ATP8A2: variants seen among roughly 807,000 people sequenced by gnomAD.
ATP8A2 encodes ATPase phospholipid transporting 8A2, also known as phospholipid-transporting ATPase IB.
In ATP8A2, 100 loss-of-function variants were observed where a neutral mutation model predicts 165.6. The ratio of observed to expected loss-of-function variants is 0.60; its 90% CI spans 0.51 to 0.71. The LOEUF is 0.71. Among genes scored for constraint, ATP8A2 ranks in the 30% least tolerant of loss-of-function variants. The probability of loss-of-function intolerance (pLI) is 0.00; values close to 1 mark genes in which losing one functional copy is unlikely to be tolerated. For missense variants in ATP8A2, 1,227 were observed against 1,479.5 expected (o/e 0.83, Z 2.80); for synonymous variants, 543 against 548.8 (o/e 0.99, Z 0.15).
intron 27 of ATP8A2, among the ~76,000 whole-genome samples, chr13:25,800,006 G>A (rs541315439): frequency 7.9e-5 from 12 of 152,334 alleles, no homozygotes; most frequent in Admixed American, 4.6e-4. Flanking sequence ...AACAACAGCA[G>A]CTCACATTTA....
chr13:25,709,521 GTTTT>G (rs142893891), intron 25 of ATP8A2, among the ~76,000 whole-genome samples: 1 of 151,750 alleles, frequency 6.6e-6, no homozygotes, highest in Admixed American at 6.6e-5. Flanking sequence ...TAGATACTGA[GTTTT>G]TTTTCTGAAA....
intron 2 of ATP8A2, among the ~76,000 whole-genome samples, chr13:25,503,796 T>C (rs2036934491): frequency 6.6e-6 from 1 of 152,064 alleles, no homozygotes; most frequent in Admixed American, 6.5e-5. Context: ...GCAAGTTTGG[T>C]GTGGCATGTG....
chr13:25,438,082 TG>T (rs572472645), intron 1 of ATP8A2, among the ~76,000 whole-genome samples: 64 of 152,320 alleles, frequency 4.2e-4, no homozygotes, highest in Admixed American at 3.9e-3. Context: ...AATCAGTGAA[TG>T]TCCTTAGGGC....
At chr13:25,931,759 A>G (rs1006752104) in intron 33 of ATP8A2, among the ~76,000 whole-genome samples, 3 of 152,262 alleles carry the variant, frequency 2.0e-5, no homozygotes, top group African/African-American at 7.2e-5. Context: ...GACAGGGAAA[A>G]GCCAGGGCCA....
At chr13:25,456,735 CAGGGAG>C (rs1475885927) in intron 1 of ATP8A2, among the ~76,000 whole-genome samples, 1 of 152,186 alleles carries the variant, frequency 6.6e-6, no homozygotes, top group East Asian at 1.9e-4. Context: ...GCTTTGAAAG[CAGGGAG>C]AGGGTTTTTT....
intron 33 of ATP8A2, among the ~76,000 whole-genome samples, chr13:25,866,624 C>A (rs1438563138): frequency 6.6e-6 from 1 of 152,124 alleles, no homozygotes; most frequent in Non-Finnish European, 1.5e-5. Context: ...CACAGAGACA[C>A]ACAATGCACA....
At chr13:25,518,493 A>G (rs915584713) in intron 2 of ATP8A2, among the ~76,000 whole-genome samples, 1 of 152,164 alleles carries the variant, frequency 6.6e-6, no homozygotes, top group South Asian at 2.1e-4. Flanking sequence ...ACACCTTAAC[A>G]TGGATTTACT....
chr13:25,703,668 T>C (rs1157753528), intron 25 of ATP8A2, among the ~76,000 whole-genome samples: 3 of 152,110 alleles, frequency 2.0e-5, no homozygotes, highest in Non-Finnish European at 4.4e-5. Flanking sequence ...ACAGGCTGAA[T>C]GAAAGAAGCC....
At chr13:25,618,272 G>A (rs148028139) in intron 24 of ATP8A2, among the ~76,000 whole-genome samples, 28 of 152,214 alleles carry the variant, frequency 1.8e-4, no homozygotes, top group Middle Eastern at 6.8e-3. Flanking sequence ...TTAGGAGTGC[G>A]TGTTTATAAA....
At chr13:25,961,307 C>G (rs1412404231) in intron 33 of ATP8A2, among the ~76,000 whole-genome samples, 1 of 152,164 alleles carries the variant, frequency 6.6e-6, no homozygotes, top group Non-Finnish European at 1.5e-5. Flanking sequence ...AGACAACATC[C>G]TGTTCGGAAG....
Position 25,512,674 on chromosome 13 carries a change from C to T in ATP8A2, c.222-17325C>T, listed in dbSNP as rs1160811620. Among the ~76,000 whole-genome samples, 786 of 136,466 alleles carry T rather than the reference C, an allele frequency of 5.8e-3. 15 individuals carry two copies. Among genetic ancestry groups the T allele is most frequent in the African/African-American group, 0.02 (732 of 35,750 alleles). 89.5% of individuals were successfully genotyped at this position (136,466 alleles called of 152,430 possible). On this transcript the variant is annotated intron_variant, in intron 2 of 36. Coordinates refer to ENST00000381655, the MANE Select transcript of ATP8A2 (RefSeq NM_016529.6). ...CTCCCTCCCGGACGGGGTGGCTGGC[C>T]GGGCGGGGGGCTGACCCCCCAACCT...
At chr13:25,910,935 T>TC (rs1294129246) in intron 33 of ATP8A2, among the ~76,000 whole-genome samples, 1 of 151,986 alleles carries the variant, frequency 6.6e-6, no homozygotes, top group Non-Finnish European at 1.5e-5. Context: ...TTTTTTTTTT[T>TC]TTTTTTAAGG....
At chr13:25,919,694 G>A (rs1294868245) in intron 33 of ATP8A2, among the ~76,000 whole-genome samples, 2 of 152,066 alleles carry the variant, frequency 1.3e-5, no homozygotes, top group Non-Finnish European at 2.9e-5. Flanking sequence ...CACCTGAGTC[G>A]GCAGCTGGCT....
At chr13:25,434,495 T>C (rs966623325) in intron 1 of ATP8A2, among the ~76,000 whole-genome samples, 2 of 151,932 alleles carry the variant, frequency 1.3e-5, no homozygotes, top group African/African-American at 4.8e-5. Context: ...ATTACAGGCG[T>C]GTGTCACTAC....
intron 1 of ATP8A2, among the ~76,000 whole-genome samples, chr13:25,416,454 T>C (rs1313980717): frequency 6.6e-6 from 1 of 152,154 alleles, no homozygotes; most frequent in Non-Finnish European, 1.5e-5. Flanking sequence ...AAATAAAATG[T>C]TATCAATAGA....
chr13:25,573,467 A>G (rs1283733010), intron 18 of ATP8A2, among the ~76,000 whole-genome samples: 2 of 152,238 alleles, frequency 1.3e-5, no homozygotes, highest in Non-Finnish European at 2.9e-5. Flanking sequence ...ACAGTAATAA[A>G]AAGAATCCTA....
At chr13:25,896,982 T>A (rs1383818908) in intron 33 of ATP8A2, among the ~76,000 whole-genome samples, 3 of 152,236 alleles carry the variant, frequency 2.0e-5, no homozygotes, top group Non-Finnish European at 4.4e-5. Flanking sequence ...CTTGACTCTT[T>A]ATCCAATTTG....
At chr13:25,695,042 G>A (rs1023882326) in intron 24 of ATP8A2, among the ~76,000 whole-genome samples, 10 of 151,788 alleles carry the variant, frequency 6.6e-5, no homozygotes, top group South Asian at 4.2e-4. Context: ...TTAATGTTTC[G>A]TCTATTGCAG....
chr13:25,609,843 T>C (rs377727498), intron 24 of ATP8A2, among the ~76,000 whole-genome samples: 2 of 151,730 alleles, frequency 1.3e-5, no homozygotes, highest in East Asian at 1.9e-4. Context: ...CCCATTGTGG[T>C]TTTGATTTGC....
Sources: allele counts gnomAD v4.1 joint callset (sites outside exome capture counted in the v4.1 genomes callset), GRCh38; gene constraint gnomAD v4.1.1; transcripts MANE v1.5; gene names NCBI Gene and HGNC (gene_info 2026-07-23, HGNC 2026-07-21).